NEU1: variants seen among roughly 807,000 people sequenced by gnomAD.
The protein encoded by NEU1 is neuraminidase 1.
NEU1 carries 32 observed loss-of-function variants against 38.3 expected under a neutral mutation model. The observed-to-expected ratio is 0.84, with a 90% CI of 0.63 to 1.12. The LOEUF (loss-of-function observed/expected upper bound fraction) is 1.12. NEU1 is among the 50% of genes most tolerant of loss of function. The pLI is 0.00. For synonymous variants in NEU1, 192 were observed against 225.2 expected (o/e 0.85, Z 1.32); for missense variants, 431 against 549.2 (o/e 0.78, Z 2.15).
In NEU1 at chr6:31,862,590, G is replaced by A. The variant is rs1762568588; in HGVS notation, c.159+28C>T. On this transcript the variant is annotated intron_variant, in intron 1 of 5. Coordinates refer to ENST00000375631, the MANE Select transcript of NEU1 (RefSeq NM_000434.4). The surrounding 1 kb of genome is among the most constrained non-coding windows in gnomAD (Gnocchi z 6.3). ...GGTGTCGATCACCTGCGCGGGTCGG[G>A]GATGGGGCTATGCAAAGGGTGACTC... The A allele has an allele frequency of 6.2e-7, 1 of 1,612,942 alleles. No homozygotes were observed. The highest frequency in any genetic ancestry group is 1.1e-5 in the South Asian group (1 of 91,090).
Position 31,860,538 on chromosome 6 carries a change from G to T in NEU1, c.699C>A (p.Ser233Arg), listed in dbSNP as rs188562197. 6 of 1,613,946 alleles carry T rather than the reference G, an allele frequency of 3.7e-6. No homozygotes were observed. The highest frequency in any genetic ancestry group is 3.4e-6 in the Non-Finnish European group (4 of 1,180,028). ...LERDGVFCLLSDDHGASWRYG... is the reference protein window; with the variant it reads ...LERDGVFCLLRDDHGASWRYG... Reference sequence around the variant, plus strand: ...AGCGCCAGGAGGCACCATGATCATCGCTGAGGAGACAGAAGACTCCGTCCC... The same window carrying T: ...AGCGCCAGGAGGCACCATGATCATCTCTGAGGAGACAGAAGACTCCGTCCC... Residue 233 changes from serine to arginine, a missense_variant, in exon 4 of 6, where the codon AGC (serine) becomes AGA (arginine). Coordinates refer to ENST00000375631, the MANE Select transcript of NEU1 (RefSeq NM_000434.4). The surrounding 1 kb of genome is among the most constrained non-coding windows in gnomAD (Gnocchi z 4.8).
chr6:31,862,235 G>C lies in NEU1; in HGVS notation c.160-44C>G, dbSNP rs1188589555. 3.1e-6 allele frequency: 5 copies of C among 1,601,520 alleles called. No homozygotes were observed. Among genetic ancestry groups the C allele is most frequent in the African/African-American group, 1.3e-5 (1 of 74,624 alleles). The stretch of plus-strand genomic sequence containing the variant: ...GGGTCAACAAAGACAAACTTGTCTT[G>C]GGGGTTTTAGGAACCCACGTTCCGA... On this transcript the variant is annotated intron_variant, in intron 1 of 5. Coordinates refer to ENST00000375631, the MANE Select transcript of NEU1 (RefSeq NM_000434.4). This position sits in a 1 kb window ranked among gnomAD's most constrained non-coding sequence, Gnocchi z 6.3.
intron 3 of NEU1, 176 bp downstream of exon 3, chr6:31,861,012 G>A: frequency 1.2e-6 from 1 of 836,782 alleles, no homozygotes. Flanking sequence ...CAATGGCAGA[G>A]TTCCCTCTTC....
rs1231712073 is a variant in NEU1 at position 31,859,449 on chromosome 6, C to T, written c.*270G>A. 1.4e-5 allele frequency: 8 copies of T among 590,664 alleles called. No individual in the cohort carries two copies. Among genetic ancestry groups the T allele is most frequent in the Admixed American group, 1.1e-4 (4 of 36,282 alleles). The allele number at this position is 590,664 out of a possible 1,614,324, so 36.6% of individuals were successfully genotyped here. On this transcript the variant is annotated 3_prime_UTR_variant, in exon 6 of 6. Coordinates refer to ENST00000375631, the MANE Select transcript of NEU1 (RefSeq NM_000434.4). ...CCCAAGACAGGACCAATCAATGTCC[C>T]GGGAGGGCAGAGAGGGTGGTGGGGC...
In NEU1 at chr6:31,859,637, C is replaced by A. The variant is rs923866884; in HGVS notation, c.*82G>T. The A allele has an allele frequency of 7.4e-7, 1 of 1,352,936 alleles. No homozygotes were observed. The highest frequency in any genetic ancestry group is 1.0e-6 in the Non-Finnish European group (1 of 954,330). 83.8% of individuals were successfully genotyped at this position (1,352,936 alleles called of 1,614,324 possible). ...AAGGAAGATGGAACTGTCTTTCAGG[C>A]GTCTCCAGCAGACCCTCTACAGACC... On this transcript the variant is annotated 3_prime_UTR_variant, in exon 6 of 6. Coordinates refer to ENST00000375631, the MANE Select transcript of NEU1 (RefSeq NM_000434.4).
chr6:31,860,227 G>T lies in NEU1; in HGVS notation c.836C>A (p.Ala279Asp). Residue 279 changes from alanine (A) to aspartate (D), a missense_variant, in exon 5 of 6, where the codon GCC becomes GAC. Physicochemically the swap from Ala to Asp is moderately radical, Grantham distance 126. Transcript: ENST00000375631. The surrounding 1 kb of genome is among the most constrained non-coding windows in gnomAD (Gnocchi z 4.8). ...GCAGTGGTAGTTGTTCTGGTTTCGG[G>T]CATTGATGACGACTGAGCCATCTGG... ...ELPDGSVVIN[A>D]RNQNNYHCHC... The T allele has an allele frequency of 6.2e-7, 1 of 1,613,046 alleles. No homozygotes were observed. Among genetic ancestry groups the T allele is most frequent in the Non-Finnish European group, 8.5e-7 (1 of 1,180,020 alleles).
At position 31,860,569 on chromosome 6, in the gene NEU1, A is replaced by C; in HGVS notation, c.668T>G (p.Leu223Arg). 6.2e-7 allele frequency: 1 copy of C among 1,614,068 alleles called. No individual in the cohort carries two copies. Among genetic ancestry groups the C allele is most frequent in the South Asian group, 1.1e-5 (1 of 91,086 alleles). Residue 223 changes from leucine to arginine, a missense_variant, in exon 4 of 6, where the codon CTG (leucine) becomes CGG (arginine). Physicochemically the swap from Leu to Arg is moderately radical, Grantham distance 102 (BLOSUM62 -2). Transcript: ENST00000375631. The surrounding 1 kb of genome is among the most constrained non-coding windows in gnomAD (Gnocchi z 4.8). Reference protein sequence around the residue: ...GRLIVCGHGTLERDGVFCLLS... With the variant: ...GRLIVCGHGTRERDGVFCLLS... ...GAGACAGAAGACTCCGTCCCGCTCC[A>C]GCGTCCCATGGCCACACACGATGAG...
chr6:31,860,368 CTG>C lies in NEU1; in HGVS notation c.798+69_798+70del. On this transcript the variant is annotated intron_variant, in intron 4 of 5. Transcript: ENST00000375631. This position sits in a 1 kb window ranked among gnomAD's most constrained non-coding sequence, Gnocchi z 4.8. ...TGAGTGGAGCAGTCAGACCCTGGGT[CTG>C]TGCGTGAAATGATGTTCTGGAGGGC... The C allele has an allele frequency of 1.2e-6, 2 of 1,608,284 alleles. No homozygotes were observed. The highest frequency in any genetic ancestry group is 2.2e-5 in the South Asian group (2 of 90,960).
In NEU1 at chr6:31,861,401, G is replaced by C. The variant is rs142833447; in HGVS notation, c.402C>G (p.Pro134=). The change falls in exon 3 of 6, where the codon CCC becomes CCG. Residue 134 remains proline (P), a synonymous_variant. Coordinates refer to ENST00000375631, the MANE Select transcript of NEU1 (RefSeq NM_000434.4). ...TAFIVNDGDV[P]DGLNLGAVVS... is the part of the protein sequence containing the mutation. ...CTACTGCCCCAAGGTTCAGCCCATC[G>C]GGGACATCCCCATCATTGACAATGA... is the stretch of plus-strand genomic sequence containing the variant. 1 of 1,612,888 alleles carries C rather than the reference G, an allele frequency of 6.2e-7. No individual in the cohort carries two copies. Among genetic ancestry groups the C allele is most frequent in the Non-Finnish European group, 8.5e-7 (1 of 1,180,012 alleles).
chr6:31,861,045 G>T, intron 3 of NEU1, 143 bp downstream of exon 3: 1 of 1,144,940 alleles, frequency 8.7e-7, no homozygotes, highest in Non-Finnish European at 1.3e-6. Flanking sequence ...GTTCCTACCA[G>T]GATGCCCTGT....
chr6:31,858,790 G>A lies in NEU1; in HGVS notation c.*929C>T, dbSNP rs1265500711. 1 of 151,612 alleles carries A rather than the reference G, an allele frequency of 6.6e-6. No individual in the cohort carries two copies. The highest frequency in any genetic ancestry group is 6.6e-5 in the Admixed American group (1 of 15,188). The allele number at this position is 151,612 out of a possible 1,614,324, so 9.4% of individuals were successfully genotyped here. A position where few individuals can be genotyped will look rare whatever the true frequency, so the allele number is the denominator to read the frequency against. ...AGCACTTTGGGAAGCTGAGGCATGA[G>A]GATTGCTTAAGCACAGGAGTTCCAT... is the stretch of plus-strand genomic sequence containing the variant. On this transcript the variant is annotated 3_prime_UTR_variant, in exon 6 of 6. Transcript: ENST00000375631.
In NEU1 at chr6:31,860,590, A is replaced by G; in HGVS notation, c.647T>C (p.Ile216Thr). 1 of 1,613,980 alleles carries G rather than the reference A, an allele frequency of 6.2e-7. No individual in the cohort carries two copies. The highest frequency in any genetic ancestry group is 1.1e-5 in the South Asian group (1 of 91,084). ...CTCCAGCGTCCCATGGCCACACACG[A>G]TGAGGCGGCCCTTCCGTGGCTCCCG... ...KQREPRKGRLIVCGHGTLERD... is the reference protein window; with the variant it reads ...KQREPRKGRLTVCGHGTLERD... Residue 216 changes from isoleucine to threonine, a missense_variant, in exon 4 of 6, where the codon ATC (isoleucine) becomes ACC (threonine). Coordinates refer to ENST00000375631, the MANE Select transcript of NEU1 (RefSeq NM_000434.4). The surrounding 1 kb of genome is among the most constrained non-coding windows in gnomAD (Gnocchi z 4.8).
At position 31,862,746 on chromosome 6, in the gene NEU1, G is replaced by T. The variant is rs1021176396; in HGVS notation, c.31C>A (p.Pro11Thr). The change falls in exon 1 of 6, where the codon CCG becomes ACG. Residue 11 changes from proline (P) to threonine (T), a missense_variant. By Grantham distance (38) the Pro-to-Thr change is conservative. Coordinates refer to ENST00000375631, the MANE Select transcript of NEU1 (RefSeq NM_000434.4). The surrounding 1 kb of genome is among the most constrained non-coding windows in gnomAD (Gnocchi z 6.3). Reference sequence around the variant, plus strand: ...ATCCGCGGCCCCCAGCGTCTGTCCGGGAGCGCCGTGCTGGGTCGCTCCCCA... The same window carrying T: ...ATCCGCGGCCCCCAGCGTCTGTCCGTGAGCGCCGTGCTGGGTCGCTCCCCA... MTGERPSTALPDRRWGPRILG... is the reference protein window; with the variant it reads MTGERPSTALTDRRWGPRILG... The T allele has an allele frequency of 6.2e-7, 1 of 1,612,952 alleles. No homozygotes were observed. The highest frequency in any genetic ancestry group is 8.5e-7 in the Non-Finnish European group (1 of 1,180,006).
chr6:31,862,026 T>G lies in NEU1; in HGVS notation c.325A>C (p.Ile109Leu), dbSNP rs1194179575. 2 of 1,612,992 alleles carry G rather than the reference T, an allele frequency of 1.2e-6. No homozygotes were observed. Among genetic ancestry groups the G allele is most frequent in the African/African-American group, 2.7e-5 (2 of 74,934 alleles). Residue 109 changes from isoleucine to leucine, a missense_variant, in exon 2 of 6, where the codon ATC becomes CTC. Ile to Leu is a conservative substitution (Grantham distance 5). Transcript: ENST00000375631. The surrounding 1 kb of genome is among the most constrained non-coding windows in gnomAD (Gnocchi z 6.3). ...MSSSDEGAKF[I>L]ALRRSMDQGS... ...TGGTCCATGGACCTCCGCAGGGCGA[T>G]GAACTTGGCCCCCTCATCGGATGAG... is the stretch of plus-strand genomic sequence containing the variant.
Position 31,862,014 on chromosome 6 carries a change from T to C in NEU1, c.337A>G (p.Arg113Gly), listed in dbSNP as rs1176920581. 1 of 1,613,060 alleles carries C rather than the reference T, an allele frequency of 6.2e-7. No homozygotes were observed. Among genetic ancestry groups the C allele is most frequent in the Admixed American group, 1.7e-5 (1 of 60,024 alleles). Residue 113 changes from arginine (R) to glycine (G), a missense_variant, in exon 2 of 6, where the codon AGG becomes GGG. Coordinates refer to ENST00000375631, the MANE Select transcript of NEU1 (RefSeq NM_000434.4). The surrounding 1 kb of genome is among the most constrained non-coding windows in gnomAD (Gnocchi z 6.3). ...ATCTTTATACCCTGGTCCATGGACC[T>C]CCGCAGGGCGATGAACTTGGCCCCC... is the stretch of plus-strand genomic sequence containing the variant. ...DEGAKFIALR[R>G]SMDQGSTWSP...
rs1198716963 is a variant in NEU1 at position 31,861,239 on chromosome 6, G to C, written c.564C>G (p.Ser188=). Residue 188 remains serine, a synonymous_variant, in exon 3 of 6, where the codon TCC becomes TCG. Coordinates refer to ENST00000375631, the MANE Select transcript of NEU1 (RefSeq NM_000434.4). The part of the protein sequence containing the change: ...GVSWSTPRNL[S]LDIGTEVFAP... ...CAAACACTTCAGTGCCAATATCCAG[G>C]GAGAGATTCCGGGGTGTGCTCCAGG... is the stretch of plus-strand genomic sequence containing the variant. 5 of 1,612,846 alleles carry C rather than the reference G, an allele frequency of 3.1e-6. No homozygotes were observed. The highest frequency in any genetic ancestry group is 1.7e-4 in the Middle Eastern group (1 of 5,894).
Position 31,860,421 on chromosome 6 carries a change from A to G in NEU1, c.798+18T>C. 1 of 1,613,964 alleles carries G rather than the reference A, an allele frequency of 6.2e-7. No individual in the cohort carries two copies. Among genetic ancestry groups the G allele is most frequent in the Non-Finnish European group, 8.5e-7 (1 of 1,179,984 alleles). ...AGGGAGGGTCAAATGGGTAGGGAAC[A>G]TCTCATGGACTCCTGACCTGGCATT... On this transcript the variant is annotated intron_variant, in intron 4 of 5. Coordinates refer to ENST00000375631, the MANE Select transcript of NEU1 (RefSeq NM_000434.4). This position sits in a 1 kb window ranked among gnomAD's most constrained non-coding sequence, Gnocchi z 4.8.
chr6:31,859,661 C>T lies in NEU1; in HGVS notation c.*58G>A. 6.5e-7 allele frequency: 1 copy of T among 1,550,088 alleles called. No homozygotes were observed. The highest frequency in any genetic ancestry group is 8.9e-7 in the Non-Finnish European group (1 of 1,127,382). On this transcript the variant is annotated 3_prime_UTR_variant, in exon 6 of 6. Transcript: ENST00000375631. ...GCGTCTCCAGCAGACCCTCTACAGA[C>T]CCGTGTTCCTGAAGGCAGAGTCCTG...
Position 31,858,190 on chromosome 6 carries a change from G to T in NEU1, c.*1529C>A, listed in dbSNP as rs984246568. The T allele has an allele frequency of 1.3e-5, 2 of 152,150 alleles. No homozygotes were observed. The highest frequency in any genetic ancestry group is 4.8e-5 in the African/African-American group (2 of 41,426). The allele number at this position is 152,150 out of a possible 1,614,324, so 9.4% of individuals were successfully genotyped here. ...GTGTGGATTTTAAAATATCTTACAGGCTGGGTGCAGGGGCTCAAGCCTGTA... is the reference window on the plus strand; with the variant it reads ...GTGTGGATTTTAAAATATCTTACAGTCTGGGTGCAGGGGCTCAAGCCTGTA... On this transcript the variant is annotated 3_prime_UTR_variant, in exon 6 of 6. Coordinates refer to ENST00000375631, the MANE Select transcript of NEU1 (RefSeq NM_000434.4).
Sources: allele counts gnomAD v4.1 joint callset, GRCh38; gene constraint gnomAD v4.1.1; non-coding constraint Gnocchi (gnomAD v3.1); transcripts MANE v1.5; gene names NCBI Gene and HGNC (gene_info 2026-07-23, HGNC 2026-07-21).